The following MAP4K4 variants were observed in gnomAD, a reference collection of about 807,000 sequenced individuals.
MAP4K4 encodes HPK/GCK-like kinase HGK.
In MAP4K4, 38 loss-of-function variants were observed where a neutral mutation model predicts 189.6. The observed-to-expected ratio is 0.20, with a 90% CI of 0.15 to 0.26. The LOEUF is 0.26. MAP4K4 is among the 10% of genes least tolerant of loss of function. The pLI is 1.00. For missense variants in MAP4K4, 1,054 were observed against 1,726.9 expected, an observed-to-expected ratio of 0.61 and a Z score of 6.91; for synonymous variants, 610 against 624.3, an observed-to-expected ratio of 0.98 and a Z score of 0.34.
intron 9 of MAP4K4, among the ~76,000 whole-genome samples, chr2:101,838,009 C>T (rs2096811754): frequency 6.6e-6 from 1 of 152,204 alleles, no homozygotes; most frequent in Admixed American, 6.5e-5. Flanking sequence ...TAAAGTCCTT[C>T]TTCCTTTGTG....
intron 3 of MAP4K4, among the ~76,000 whole-genome samples, chr2:101,822,450 T>G (rs975611994): frequency 5.3e-5 from 8 of 152,230 alleles, no homozygotes; most frequent in Non-Finnish European, 2.9e-5. Context: ...ATCTTGAGAA[T>G]TACTATTCTA....
At chr2:101,871,450 T>G in intron 23 of MAP4K4, 44 bp from the exon 24 acceptor site, 1 of 1,469,838 alleles carries the variant, frequency 6.8e-7, no homozygotes, top group Non-Finnish European at 9.1e-7. Flanking sequence ...ATAGGCAATT[T>G]TAGCAGCGCT....
chr2:101,729,101 A>AGAGAGAGAGAGAGTGT (rs149283961), intron 2 of MAP4K4, among the ~76,000 whole-genome samples: 4 of 130,606 alleles, frequency 3.1e-5, no homozygotes, highest in African/African-American at 1.2e-4. Flanking sequence ...AGAGAGAGAG[A>AGAGAGAGAGAGAGTGT]GTGTGTGTGT....
At chr2:101,848,961 C>T (rs1472971688) in intron 12 of MAP4K4, among the ~76,000 whole-genome samples, 1 of 152,118 alleles carries the variant, frequency 6.6e-6, no homozygotes, top group African/African-American at 2.4e-5. Context: ...CAGCCGAGTT[C>T]GTACTGAGAG....
intron 2 of MAP4K4, among the ~76,000 whole-genome samples, chr2:101,773,371 T>C (rs2082390873): frequency 1.3e-5 from 2 of 152,194 alleles, no homozygotes; most frequent in Non-Finnish European, 2.9e-5. Context: ...GACAGGAAAA[T>C]AGGCCGAAGG....
intron 2 of MAP4K4, among the ~76,000 whole-genome samples, chr2:101,789,908 G>C (rs773682863): frequency 3.7e-4 from 56 of 152,084 alleles, no homozygotes; most frequent in Non-Finnish European, 5.7e-4. Context: ...GATATAAATG[G>C]GTTATAGGAT....
chr2:101,727,658 A>G (rs1338664965), intron 2 of MAP4K4, among the ~76,000 whole-genome samples: 3 of 152,228 alleles, frequency 2.0e-5, no homozygotes, highest in African/African-American at 7.2e-5. Flanking sequence ...CTCATGTTAA[A>G]AACTGTGAAA....
intron 2 of MAP4K4, among the ~76,000 whole-genome samples, chr2:101,753,495 C>CT (rs1455712041): frequency 6.6e-6 from 1 of 152,120 alleles, no homozygotes; most frequent in Non-Finnish European, 1.5e-5. Flanking sequence ...AGATATCCAT[C>CT]TTTTTTTGTT....
chr2:101,761,888 C>T (rs545228789), intron 2 of MAP4K4, among the ~76,000 whole-genome samples: 1 of 152,210 alleles, frequency 6.6e-6, no homozygotes, highest in African/African-American at 2.4e-5. Flanking sequence ...CCTATCCTGC[C>T]CCATCTGCCA....
chr2:101,731,317 A>G (rs1210678390), intron 2 of MAP4K4, among the ~76,000 whole-genome samples: 3 of 151,574 alleles, frequency 2.0e-5, no homozygotes, highest in Admixed American at 1.3e-4. Flanking sequence ...GGGTTTCACC[A>G]TGTTGGCCAG....
chr2:101,732,658 C>T (rs767855037), intron 2 of MAP4K4, among the ~76,000 whole-genome samples: 31 of 152,156 alleles, frequency 2.0e-4, no homozygotes, highest in African/African-American at 3.6e-4. Context: ...GGCACCATCT[C>T]GGCTCACTGC....
chr2:101,769,181 G>A (rs1269645427), intron 2 of MAP4K4, among the ~76,000 whole-genome samples: 1 of 152,160 alleles, frequency 6.6e-6, no homozygotes, highest in Admixed American at 6.5e-5. Context: ...TTTTTAAAAT[G>A]TGAAAATTAA....
exon 24 of MAP4K4, chr2:101,871,513 G>T (rs1443683518): frequency 2.0e-6 from 3 of 1,535,242 alleles, no homozygotes; most frequent in Admixed American, 2.0e-5. Flanking sequence ...GACCAAAAGC[G>T]TGCCAGCCAT....
intron 12 of MAP4K4, among the ~76,000 whole-genome samples, chr2:101,846,197 T>C (rs1284488508): frequency 6.6e-6 from 1 of 152,214 alleles, no homozygotes; most frequent in Non-Finnish European, 1.5e-5. Flanking sequence ...CTTGTGGTAT[T>C]TTTGTTAAGA....
exon 33 of MAP4K4, chr2:101,894,358 CAT>C (rs374483528): frequency 1.3e-5 from 2 of 152,664 alleles, no homozygotes; most frequent in African/African-American, 4.8e-5. Context: ...TTCTCATGCA[CAT>C]GTTACGTTGG....
chr2:101,750,915 C>G (rs1183162895), intron 2 of MAP4K4, among the ~76,000 whole-genome samples: 1 of 151,842 alleles, frequency 6.6e-6, no homozygotes, highest in African/African-American at 2.4e-5. Context: ...ATTGTGTATT[C>G]AGATAATGTT....
chr2:101,863,923 C>T (rs1286174346), exon 17 of MAP4K4: 4 of 1,367,716 alleles, frequency 2.9e-6, no homozygotes, highest in East Asian at 9.1e-5. Context: ...CCACCATCTT[C>T]GTTCTCAGGA....
intron 11 of MAP4K4, 70 bp downstream of exon 11, chr2:101,842,751 C>G: frequency 8.8e-7 from 1 of 1,142,718 alleles, no homozygotes; most frequent in Non-Finnish European, 1.3e-6. Flanking sequence ...GCCAGGACTG[C>G]AGAAGACTCC....
intron 2 of MAP4K4, among the ~76,000 whole-genome samples, chr2:101,760,052 G>T (rs1333579981): frequency 2.0e-5 from 3 of 151,914 alleles, no homozygotes; most frequent in African/African-American, 7.3e-5. Flanking sequence ...CACTATGTTG[G>T]CCAGGCTGGT....
Sources: gnomAD v4.1 joint callset for allele counts (sites outside exome capture counted in the v4.1 genomes callset) on GRCh38, gnomAD v4.1.1 for gene constraint, MANE v1.5 for transcripts, NCBI Gene and HGNC (gene_info 2026-07-23, HGNC 2026-07-21) for gene names.